The following ITGA9 variants were observed in gnomAD, a reference collection of about 807,000 sequenced individuals.
ITGA9 encodes integrin subunit alpha 9.
Under a neutral mutation model 127.8 loss-of-function variants are expected in ITGA9, and 56 were observed. The ratio of observed to expected loss-of-function variants is 0.44; its 90% CI spans 0.35 to 0.55. The LOEUF is 0.55. Among genes scored for constraint, ITGA9 ranks in the 20% least tolerant of loss-of-function variants. The pLI is 0.00. For synonymous variants in ITGA9, 508 were observed against 514.5 expected (o/e 0.99, Z 0.17); for missense variants, 1,196 against 1,347.1 (o/e 0.89, Z 1.76).
At chr3:37,667,636 G>T (rs571762928) in intron 17 of ITGA9, among the ~76,000 whole-genome samples, 2 of 152,302 alleles carry the variant, frequency 1.3e-5, no homozygotes, top group African/African-American at 2.4e-5. Flanking sequence ...CCCCTCAATT[G>T]TCTTACAAAG....
At chr3:37,548,364 C>A (rs1331387070) in intron 15 of ITGA9, among the ~76,000 whole-genome samples, 1 of 152,158 alleles carries the variant, frequency 6.6e-6, no homozygotes, top group East Asian at 1.9e-4. Context: ...TGAACATATT[C>A]TAAGATCGTG....
intron 17 of ITGA9, among the ~76,000 whole-genome samples, chr3:37,680,077 G>C (rs1700720921): frequency 6.6e-6 from 1 of 152,128 alleles, no homozygotes; most frequent in East Asian, 1.9e-4. Flanking sequence ...GGTTATGTTG[G>C]AGAGGAATGA....
chr3:37,701,626 G>A (rs1440342584), intron 18 of ITGA9, among the ~76,000 whole-genome samples: 1 of 152,170 alleles, frequency 6.6e-6, no homozygotes, highest in Non-Finnish European at 1.5e-5. Flanking sequence ...GTTTGCAGGG[G>A]CAGAGCAGTT....
intron 15 of ITGA9, among the ~76,000 whole-genome samples, chr3:37,595,126 A>T (rs1699857080): frequency 6.6e-6 from 1 of 151,424 alleles, no homozygotes; most frequent in South Asian, 2.1e-4. Context: ...TGACTTTGAG[A>T]CAGGATCTCA....
chr3:37,606,836 C>T (rs1699973287), intron 15 of ITGA9, among the ~76,000 whole-genome samples: 2 of 152,040 alleles, frequency 1.3e-5, no homozygotes, highest in African/African-American at 4.8e-5. Flanking sequence ...AGCAAGTCCT[C>T]AGTGAGAGTA....
In ITGA9 at chr3:37,632,199, A is replaced by T. The variant is rs139469605; in HGVS notation, c.1839+2863A>T. ...ATAAGAGATTATTTTAAAAAATTTT[A>T]AAAATGCAACACCTTAATGTCTATG... On this transcript the variant is annotated intron_variant, in intron 16 of 27. Transcript: ENST00000264741. Among the ~76,000 whole-genome samples the T allele has an allele frequency of 2.1e-3, 318 of 152,346 alleles. 1 individual carries two copies. Among genetic ancestry groups the T allele is most frequent in the Non-Finnish European group, 3.7e-3 (251 of 68,024 alleles).
In ITGA9 at chr3:37,683,882, T is replaced by G. The variant is rs376842903; in HGVS notation, c.1934T>G (p.Leu645Arg). 1.3e-5 allele frequency: 21 copies of G among 1,614,098 alleles called. No individual in the cohort carries two copies. The highest frequency in any genetic ancestry group is 1.7e-5 in the Non-Finnish European group (20 of 1,180,006). The stretch of plus-strand genomic sequence containing the variant: ...CGTTACAGTATGGATGAGAAAACCC[T>G]GTATCTAGCTTTGGGGGCTGTGAAG... ...LLLSSMDEKT[L>R]YLALGAVKNI... The change falls in exon 18 of 28, where the codon CTG (leucine) becomes CGG (arginine). Residue 645 changes from leucine (L) to arginine (R), a missense_variant. Transcript: ENST00000264741.
chr3:37,632,741 A>G (rs1481214708), intron 16 of ITGA9, among the ~76,000 whole-genome samples: 1 of 152,234 alleles, frequency 6.6e-6, no homozygotes, highest in African/African-American at 2.4e-5. Context: ...AGGATAAGTC[A>G]GCTTACAACA....
At chr3:37,781,188 TC>T (rs1696972263) in intron 25 of ITGA9, among the ~76,000 whole-genome samples, 1 of 152,266 alleles carries the variant, frequency 6.6e-6, no homozygotes, top group Admixed American at 6.5e-5. Flanking sequence ...TCTGAGGCTC[TC>T]CAGTTGCCAC....
At chr3:37,460,691 G>A (rs866478088) in intron 1 of ITGA9, among the ~76,000 whole-genome samples, 3 of 149,184 alleles carry the variant, frequency 2.0e-5, no homozygotes, top group African/African-American at 7.4e-5. Context: ...CTGGGTTCAC[G>A]CCATTCTCCT....
intron 15 of ITGA9, among the ~76,000 whole-genome samples, chr3:37,556,031 T>G (rs1379167749): frequency 6.6e-6 from 1 of 152,260 alleles, no homozygotes; most frequent in Non-Finnish European, 1.5e-5. Context: ...AGAAAAGCCC[T>G]CCTTCCTGAT....
intron 23 of ITGA9, 40 bp downstream of exon 23, chr3:37,750,609 G>C (rs1223406992): frequency 7.1e-6 from 10 of 1,414,836 alleles, no homozygotes; most frequent in Non-Finnish European, 1.0e-5. Context: ...TTTCAGCTTT[G>C]AGCCAGCCCA....
intron 15 of ITGA9, among the ~76,000 whole-genome samples, chr3:37,555,648 A>G (rs11929124): frequency 1.3e-5 from 2 of 152,246 alleles, no homozygotes; most frequent in Non-Finnish European, 2.9e-5. Flanking sequence ...CCAAATGGAA[A>G]TACAAATAAT....
chr3:37,779,123 G>T (rs1696944630), intron 24 of ITGA9, among the ~76,000 whole-genome samples: 1 of 152,020 alleles, frequency 6.6e-6, no homozygotes, highest in South Asian at 2.1e-4. Context: ...TGTTTGTTTT[G>T]AGATGGAGTC....
rs1698554441 is a variant in ITGA9, at chr3:37,481,491, C to T, written c.428C>T (p.Ala143Val). 6.2e-7 allele frequency: 1 copy of T among 1,614,086 alleles called. No individual in the cohort carries two copies. Among genetic ancestry groups the T allele is most frequent in the Non-Finnish European group, 8.5e-7 (1 of 1,180,038 alleles). ...PKADGRVLAC[A>V]HRWKNIYYEA... is the part of the protein sequence containing the mutation. ...TGCTCTCTATCCCTTTAGGCCTGTG[C>T]TCATCGCTGGAAGAACATCTACTAT... is the stretch of plus-strand genomic sequence containing the variant. Residue 143 changes from alanine (A) to valine (V), a missense_variant, in exon 4 of 28, where the codon GCT (alanine) becomes GTT (valine). By Grantham distance (64) the Ala-to-Val change is moderately conservative. Coordinates refer to ENST00000264741, the MANE Select transcript of ITGA9 (RefSeq NM_002207.3).
chr3:37,617,297 C>G (rs1211245805), intron 15 of ITGA9, among the ~76,000 whole-genome samples: 1 of 152,218 alleles, frequency 6.6e-6, no homozygotes, highest in African/African-American at 2.4e-5. Context: ...GGCCCCCACT[C>G]CCATCTGGCT....
chr3:37,625,950 T>G (rs1700172356), intron 15 of ITGA9, among the ~76,000 whole-genome samples: 3 of 152,134 alleles, frequency 2.0e-5, no homozygotes, highest in Non-Finnish European at 1.5e-5. Flanking sequence ...TCAGACTTCT[T>G]AATTAAAATA....
intron 19 of ITGA9, among the ~76,000 whole-genome samples, chr3:37,735,951 T>C (rs1348533310): frequency 6.6e-6 from 1 of 152,218 alleles, no homozygotes; most frequent in Non-Finnish European, 1.5e-5. Flanking sequence ...TCACAGTTCT[T>C]AAGGCTGAGA....
At chr3:37,619,513 A>G (rs966190391) in intron 15 of ITGA9, among the ~76,000 whole-genome samples, 1 of 152,246 alleles carries the variant, frequency 6.6e-6, no homozygotes, top group African/African-American at 2.4e-5. Flanking sequence ...GCTCTGGAGC[A>G]GAGCTTATCC....
Sources: allele counts gnomAD v4.1 joint callset (sites outside exome capture counted in the v4.1 genomes callset), GRCh38; gene constraint gnomAD v4.1.1; transcripts MANE v1.5; gene names NCBI Gene and HGNC (gene_info 2026-07-23, HGNC 2026-07-21).